Variants in TENM2 observed in about 807,000 individuals in gnomAD.
TENM2 encodes the protein teneurin transmembrane protein 2.
TENM2 carries 52 observed loss-of-function variants against 245.2 expected under a neutral mutation model. The observed-to-expected ratio is 0.21, with a 90% confidence interval of 0.17 to 0.27. The LOEUF (loss-of-function observed/expected upper bound fraction) is 0.27, where lower values mean the gene tolerates loss of function less well. Ranked by LOEUF, TENM2 falls within the 10% of genes least tolerant of loss-of-function variation. The pLI is 1.00. For synonymous variants in TENM2, 1,363 were observed against 1,438.9 expected (o/e 0.95, Z 1.19); for missense variants, 3,046 against 3,666.8 (o/e 0.83, Z 4.37).
At chr5:167,547,617 G>A (rs1772651763) in intron 2 of TENM2, among the ~76,000 whole-genome samples, 1 of 152,162 alleles carries the variant, frequency 6.6e-6, no homozygotes. Context: ...GCTACCCGGG[G>A]ACTTTAGAGT....
chr5:167,256,048 T>G, the TENM2 span, among the ~76,000 whole-genome samples: 1 of 152,192 alleles, frequency 6.6e-6, no homozygotes, highest in Non-Finnish European at 1.5e-5. Flanking sequence ...AAACGCTCTT[T>G]ATTCCCGTTC....
intron 21 of TENM2, among the ~76,000 whole-genome samples, chr5:168,215,920 G>A (rs181690720): frequency 9.8e-4 from 149 of 152,348 alleles, no homozygotes; most frequent in South Asian, 1.9e-3. Context: ...GAAGTCGAAA[G>A]TGCAGTGCCT....
intron 2 of TENM2, among the ~76,000 whole-genome samples, chr5:167,665,808 T>C (rs1291353074): frequency 6.6e-6 from 1 of 152,208 alleles, no homozygotes; most frequent in African/African-American, 2.4e-5. Context: ...CTTTCTTAAA[T>C]GTCCCATTCT....
exon 16 of TENM2, chr5:168,199,059 T>A: frequency 6.2e-7 from 1 of 1,613,922 alleles, no homozygotes; most frequent in Non-Finnish European, 8.5e-7. Context: ...TCCTCCCCAC[T>A]GTCCACCTTC....
At chr5:167,967,510 A>C (rs1781468453) in intron 4 of TENM2, among the ~76,000 whole-genome samples, 1 of 152,236 alleles carries the variant, frequency 6.6e-6, no homozygotes, top group Non-Finnish European at 1.5e-5. Flanking sequence ...GAGGTACCTA[A>C]GGAGAAGCTG....
intron 25 of TENM2, among the ~76,000 whole-genome samples, chr5:168,235,641 T>C (rs1765362913): frequency 6.6e-6 from 1 of 152,126 alleles, no homozygotes; most frequent in Non-Finnish European, 1.5e-5. Context: ...ACCCCATCTC[T>C]ACTAAAAATA....
At chr5:167,446,063 C>T (rs1045251859) in intron 2 of TENM2, among the ~76,000 whole-genome samples, 7 of 152,036 alleles carry the variant, frequency 4.6e-5, no homozygotes, top group African/African-American at 7.2e-5. Flanking sequence ...GAAGCTACTC[C>T]ACTTCAAAAA....
intron 2 of TENM2, among the ~76,000 whole-genome samples, chr5:167,806,908 C>T (rs1290825193): frequency 6.6e-6 from 1 of 151,738 alleles, no homozygotes; most frequent in African/African-American, 2.4e-5. Context: ...CAGTGTGTGA[C>T]AGTACACACA....
At chr5:168,100,862 A>T (rs1454895501) in intron 9 of TENM2, among the ~76,000 whole-genome samples, 1 of 151,300 alleles carries the variant, frequency 6.6e-6, no homozygotes, top group Non-Finnish European at 1.5e-5. Flanking sequence ...AGCAAACCAT[A>T]TGTATACCTA....
chr5:167,355,697 T>C (rs1265048339), intron 1 of TENM2, among the ~76,000 whole-genome samples: 2 of 152,126 alleles, frequency 1.3e-5, no homozygotes, highest in African/African-American at 4.8e-5. Context: ...AAGTGCCAGA[T>C]AGTGCAAATG....
chr5:167,172,449 A>T, the TENM2 span, among the ~76,000 whole-genome samples: 1 of 152,116 alleles, frequency 6.6e-6, no homozygotes, highest in African/African-American at 2.4e-5. Flanking sequence ...TAAGACCACT[A>T]ATTTAGCTGT....
intron 4 of TENM2, among the ~76,000 whole-genome samples, chr5:167,978,064 G>A (rs1327385441): frequency 6.6e-6 from 1 of 152,136 alleles, no homozygotes; most frequent in Non-Finnish European, 1.5e-5. Context: ...TGTGATGCCA[G>A]CTCCCCTTCC....
Position 168,247,936 on chromosome 5 carries a change from A to G in TENM2, c.6997A>G (p.Thr2333Ala). ...TGACCTCCACAACCCGACGCGCATCACCCATGTCTACAATCACTCCAACTC... is the reference window on the plus strand; with the variant it reads ...TGACCTCCACAACCCGACGCGCATCGCCCATGTCTACAATCACTCCAACTC... The change falls in exon 27 of 29, where the codon ACC becomes GCC. Residue 2333 changes from threonine to alanine, a missense_variant. This residue lies in a region of TENM2 where 2,704 missense variants were observed against 3,331.9 expected (regional missense o/e 0.81). Transcript: ENST00000518659. The surrounding 1 kb of genome is among the most constrained non-coding windows in gnomAD (Gnocchi z 7.8). The G allele has an allele frequency of 6.2e-7, 1 of 1,613,860 alleles. No individual in the cohort carries two copies. Among genetic ancestry groups the G allele is most frequent in the Non-Finnish European group, 8.5e-7 (1 of 1,179,862 alleles).
chr5:168,040,110 C>G (rs1317570109), intron 5 of TENM2, among the ~76,000 whole-genome samples: 1 of 152,174 alleles, frequency 6.6e-6, no homozygotes, highest in Non-Finnish European at 1.5e-5. Flanking sequence ...CCCAGAGCTG[C>G]CTCACGCAAC....
At chr5:168,261,778 C>T (rs554499110) in intron 28 of TENM2, among the ~76,000 whole-genome samples, 3 of 152,248 alleles carry the variant, frequency 2.0e-5, no homozygotes, top group Admixed American at 6.5e-5. Context: ...AAGGGTGAAC[C>T]TCCTTTACCA....
chr5:167,908,277 C>T lies in TENM2; in HGVS notation c.712+32082C>T, dbSNP rs1011748431. Among the ~76,000 whole-genome samples, 4 of 151,324 alleles carry T rather than the reference C, an allele frequency of 2.6e-5. No homozygotes were observed. The East Asian group carries it at 5.9e-4, about 22-fold the overall frequency. ...GTAAATCCTTTCAGGAAAAAGGATC[C>T]GATCCTCCCTTTCCCCTACCCTCCC... is the stretch of plus-strand genomic sequence containing the variant. On this transcript the variant is annotated intron_variant, in intron 3 of 28. Coordinates refer to ENST00000518659, the Ensembl canonical transcript of TENM2.
chr5:167,686,314 A>T (rs989104615), intron 2 of TENM2, among the ~76,000 whole-genome samples: 2 of 152,166 alleles, frequency 1.3e-5, no homozygotes, highest in African/African-American at 4.8e-5. Flanking sequence ...TAGATTAGAG[A>T]TGGAAAAGTC....
intron 2 of TENM2, among the ~76,000 whole-genome samples, chr5:167,823,963 G>T (rs1767751098): frequency 6.6e-6 from 1 of 152,060 alleles, no homozygotes; most frequent in South Asian, 2.1e-4. Flanking sequence ...TCAGCCTCTG[G>T]GTCCAAAGGC....
the TENM2 span, among the ~76,000 whole-genome samples, chr5:167,083,238 ACTT>A: frequency 1.3e-5 from 2 of 152,104 alleles, no homozygotes; most frequent in African/African-American, 4.8e-5. Context: ...ATGTGTGGCC[ACTT>A]CTTCTGTGAT....
Sources: gnomAD v4.1 joint callset for allele counts (sites outside exome capture counted in the v4.1 genomes callset) on GRCh38, gnomAD v4.1.1 for gene constraint, gnomAD v4.1.1 regional missense constraint, Gnocchi (gnomAD v3.1) non-coding constraint, MANE v1.5 for transcripts, NCBI Gene and HGNC (gene_info 2026-07-23, HGNC 2026-07-21) for gene names.